Variants in ASH2L observed in about 807,000 individuals in gnomAD.
ASH2L encodes ASH2 like, histone lysine methyltransferase complex subunit, also known as set1/Ash2 histone methyltransferase complex subunit ASH2.
A neutral mutation model predicts 81.1 loss-of-function variants in ASH2L; 30 were observed. That is an observed-to-expected ratio of 0.37 (90% CI 0.28 to 0.50). The LOEUF (loss-of-function observed/expected upper bound fraction) is 0.50. Among genes scored for constraint, ASH2L ranks in the 20% least tolerant of loss-of-function variants. ASH2L has a pLI of 0.95. For missense variants in ASH2L, 559 were observed against 792.1 expected (o/e 0.71, Z 3.53); for synonymous variants, 273 against 279.9 (o/e 0.98, Z 0.24).
chr8:38,137,733 G>A (rs1165635563), intron 14 of ASH2L: 1 of 150,712 alleles, frequency 6.6e-6, no homozygotes, highest in African/African-American at 2.4e-5. Flanking sequence ...TCTCAAAAAA[G>A]AAAGAAAAAG....
chr8:38,125,557 G>A (rs866271426), intron 10 of ASH2L, among the ~76,000 whole-genome samples: 4 of 151,142 alleles, frequency 2.6e-5, no homozygotes, highest in South Asian at 4.2e-4. Flanking sequence ...GCAGTGAGCC[G>A]AGATCGCGCC....
In ASH2L at chr8:38,128,469, G is replaced by A; in HGVS notation, c.1333+11G>A. On this transcript the variant is annotated intron_variant, in intron 11 of 15. Transcript: ENST00000343823. Reference sequence around the variant, plus strand: ...GGTCCCAGCCCCTAGGTAAGCTGGGGCCTTAATATGGACATCACAGCAGAT... The same window carrying A: ...GGTCCCAGCCCCTAGGTAAGCTGGGACCTTAATATGGACATCACAGCAGAT... The A allele has an allele frequency of 6.2e-7, 1 of 1,612,870 alleles. No homozygotes were observed. The highest frequency in any genetic ancestry group is 1.1e-5 in the South Asian group (1 of 90,890).
chr8:38,110,701 ACT>A lies in ASH2L; in HGVS notation c.491-37_491-36del. 2 of 1,506,270 alleles carry A rather than the reference ACT, an allele frequency of 1.3e-6. 1 individual carries two copies. The highest frequency in any genetic ancestry group is 2.3e-5 in the South Asian group (2 of 86,924). 93.3% of individuals were successfully genotyped at this position (1,506,270 alleles called of 1,614,324 possible). Reference sequence around the variant, plus strand: ...ATTCCCTTGGTAGTAGAGATGTAGTACTACAGATAACTGTTTCTTCCTTTTTG... The same window carrying A: ...ATTCCCTTGGTAGTAGAGATGTAGTAACAGATAACTGTTTCTTCCTTTTTG... On this transcript the variant is annotated intron_variant, in intron 4 of 15. Coordinates refer to ENST00000343823, the MANE Select transcript of ASH2L (RefSeq NM_004674.5).
At chr8:38,128,185 A>G (rs775629340) in intron 10 of ASH2L, 106 bp from the exon 11 acceptor site, 75 of 1,334,976 alleles carry the variant, frequency 5.6e-5, no homozygotes, top group Non-Finnish European at 7.5e-5. Flanking sequence ...ACCTGACCTG[A>G]TATTTGTGAT....
At chr8:38,123,458 C>T (rs1315616466) in intron 10 of ASH2L, 1 of 152,094 alleles carries the variant, frequency 6.6e-6, no homozygotes. Flanking sequence ...CTCTTTTTGT[C>T]TTTAGACTTG....
At chr8:38,138,474 G>A (rs975562496) in intron 14 of ASH2L, 1 of 226,022 alleles carries the variant, frequency 4.4e-6, no homozygotes, top group Non-Finnish European at 8.7e-6. Context: ...GATATTTAAC[G>A]TTTTATCTGT....
chr8:38,112,093 A>G (rs1347185120), intron 5 of ASH2L, among the ~76,000 whole-genome samples: 2 of 152,000 alleles, frequency 1.3e-5, no homozygotes, highest in East Asian at 1.9e-4. Context: ...TGCAGCCTCA[A>G]CCTCCTGTGT....
At position 38,106,358 on chromosome 8, in the gene ASH2L, GC is replaced by G. The variant is rs775486691; in HGVS notation, c.189-19del. 2.1e-5 allele frequency: 34 copies of G among 1,611,738 alleles called. No individual in the cohort carries two copies. The African/African-American group carries it at 3.2e-4, about 15-fold the overall frequency. On this transcript the variant is annotated intron_variant, in intron 1 of 15. Coordinates refer to ENST00000343823, the MANE Select transcript of ASH2L (RefSeq NM_004674.5). ...GTTTGTCTTGAGAATTCTTACTTGA[GC>G]GCTTTCATTATCTTATAGGGAGGCA...
intron 5 of ASH2L, among the ~76,000 whole-genome samples, chr8:38,112,810 C>G (rs991015534): frequency 4.6e-5 from 7 of 152,176 alleles, no homozygotes; most frequent in African/African-American, 1.4e-4. Flanking sequence ...GATTATCCAA[C>G]CCTGAATCAG....
chr8:38,121,622 A>G (rs781341051), intron 10 of ASH2L, among the ~76,000 whole-genome samples: 8 of 152,082 alleles, frequency 5.3e-5, no homozygotes, highest in Admixed American at 3.9e-4. Context: ...AGTCTTTAAC[A>G]GTTCCAAAGC....
chr8:38,136,936 A>G (rs533159308), intron 14 of ASH2L, among the ~76,000 whole-genome samples: 2 of 151,866 alleles, frequency 1.3e-5, no homozygotes, highest in African/African-American at 4.8e-5. Context: ...TACTAAAAAT[A>G]TAAAAATTAG....
chr8:38,133,368 T>TA, intron 12 of ASH2L, 86 bp from the exon 13 acceptor site: 1 of 873,066 alleles, frequency 1.1e-6, no homozygotes, highest in South Asian at 1.4e-5. Flanking sequence ...CTCAAGGGGT[T>TA]AACACTATTT....
intron 4 of ASH2L, 37 bp downstream of exon 4, chr8:38,110,504 C>G: frequency 6.4e-7 from 1 of 1,572,074 alleles, no homozygotes; most frequent in South Asian, 1.1e-5. Flanking sequence ...AGATGATTAT[C>G]CACTGGAAAA....
intron 12 of ASH2L, among the ~76,000 whole-genome samples, chr8:38,130,675 T>G (rs1802025203): frequency 6.6e-6 from 1 of 152,096 alleles, no homozygotes; most frequent in Non-Finnish European, 1.5e-5. Flanking sequence ...CTTGGCTCAC[T>G]GCAACCTCCG....
chr8:38,138,071 A>T (rs1697027915), intron 14 of ASH2L: 1 of 152,042 alleles, frequency 6.6e-6, no homozygotes, highest in Admixed American at 6.6e-5. Context: ...TGAGCCCAGG[A>T]CCTCGAGACC....
At chr8:38,109,451 T>C (rs1810590747) in intron 3 of ASH2L, among the ~76,000 whole-genome samples, 1 of 152,254 alleles carries the variant, frequency 6.6e-6, no homozygotes, top group Non-Finnish European at 1.5e-5. Flanking sequence ...TCTTCTCTTC[T>C]AGCTTAAGCC....
chr8:38,110,582 G>T lies in ASH2L; in HGVS notation c.490+115G>T, dbSNP rs1030109001. Reference sequence around the variant, plus strand: ...AGTAGCTGGTATAAATTCAGTTGGGGTTTAGCTCTGAATAATTGCAATTGC... The same window carrying T: ...AGTAGCTGGTATAAATTCAGTTGGGTTTTAGCTCTGAATAATTGCAATTGC... On this transcript the variant is annotated intron_variant, in intron 4 of 15. Coordinates refer to ENST00000343823, the MANE Select transcript of ASH2L (RefSeq NM_004674.5). 8.5e-6 allele frequency: 10 copies of T among 1,182,206 alleles called. No individual in the cohort carries two copies. In the African/African-American group the frequency reaches 1.2e-4, roughly 14 times the overall value. 73.2% of individuals were successfully genotyped at this position (1,182,206 alleles called of 1,614,324 possible).
chr8:38,114,426 T>C, intron 6 of ASH2L, 139 bp downstream of exon 6: 2 of 614,058 alleles, frequency 3.3e-6, no homozygotes, highest in East Asian at 6.1e-5. Context: ...ATACAGCTAA[T>C]TGTGAATTTT....
chr8:38,122,247 AT>A (rs1158245616), intron 10 of ASH2L: 2 of 151,966 alleles, frequency 1.3e-5, no homozygotes, highest in Non-Finnish European at 2.9e-5. Flanking sequence ...TAAAAAAAAA[AT>A]TTCTTTACTT....
Sources: allele counts gnomAD v4.1 joint callset (sites outside exome capture counted in the v4.1 genomes callset), GRCh38; gene constraint gnomAD v4.1.1; transcripts MANE v1.5; gene names NCBI Gene and HGNC (gene_info 2026-07-23, HGNC 2026-07-21).